The following RIMS1 variants were observed in gnomAD, a reference collection of about 807,000 sequenced individuals.
RIMS1 encodes the protein regulating synaptic membrane exocytosis 1.
Under a neutral mutation model 214.1 loss-of-function variants are expected in RIMS1, and 83 were observed. That is an observed-to-expected ratio of 0.39 (90% CI 0.32 to 0.47). The LOEUF is 0.47. Among genes scored for constraint, RIMS1 ranks in the 20% least tolerant of loss-of-function variants. The pLI, the probability that RIMS1 is intolerant of heterozygous loss-of-function variation, is 0.99. For missense variants in RIMS1, 2,050 were observed against 2,161.8 expected, an observed-to-expected ratio of 0.95 and a Z score of 1.03; for synonymous variants, 793 against 786.8, an observed-to-expected ratio of 1.01 and a Z score of -0.13.
intron 29 of RIMS1, among the ~76,000 whole-genome samples, chr6:72,338,562 C>T (rs908059983): frequency 6.6e-6 from 1 of 152,046 alleles, no homozygotes; most frequent in South Asian, 2.1e-4. Context: ...ATTTTTGCCA[C>T]CTACTCATCT....
intron 8 of RIMS1, among the ~76,000 whole-genome samples, chr6:72,236,542 G>A (rs545164872): frequency 2.2e-4 from 33 of 152,200 alleles, no homozygotes; most frequent in African/African-American, 7.7e-4. Flanking sequence ...ACATGAATTT[G>A]GATGATAAAG....
At chr6:71,900,955 A>G (rs1773417560) in intron 1 of RIMS1, among the ~76,000 whole-genome samples, 1 of 152,232 alleles carries the variant, frequency 6.6e-6, no homozygotes, top group South Asian at 2.1e-4. Context: ...ATAGAGGACA[A>G]TAGCCCTGCA....
chr6:72,286,328 G>A (rs1174849751), intron 24 of RIMS1, among the ~76,000 whole-genome samples: 1 of 152,132 alleles, frequency 6.6e-6, no homozygotes, highest in African/African-American at 2.4e-5. Context: ...GTGTCAGCTG[G>A]AGGTGCTTAA....
chr6:72,340,716 T>C (rs533239541), intron 29 of RIMS1, among the ~76,000 whole-genome samples: 1 of 152,236 alleles, frequency 6.6e-6, no homozygotes, highest in East Asian at 1.9e-4. Flanking sequence ...TCAGGTAGCA[T>C]GATGCCTCCA....
At chr6:71,973,203 C>T (rs904472112) in intron 2 of RIMS1, among the ~76,000 whole-genome samples, 18 of 152,118 alleles carry the variant, frequency 1.2e-4, no homozygotes, top group African/African-American at 2.2e-4. Flanking sequence ...CCACTGCGCC[C>T]GGACAGTAAT....
chr6:72,182,348 G>T lies in RIMS1; in HGVS notation c.877G>T (p.Val293Leu), dbSNP rs1475617034. The T allele has an allele frequency of 6.2e-7, 1 of 1,612,904 alleles. No individual in the cohort carries two copies. The highest frequency in any genetic ancestry group is 1.3e-5 in the African/African-American group (1 of 74,822). The change falls in exon 6 of 34, where the codon GTG becomes TTG. Residue 293 changes from valine to leucine, a missense_variant. Val to Leu is a conservative substitution (Grantham distance 32, BLOSUM62 1). This residue lies in a region of RIMS1 where 882 missense variants were observed against 828.9 expected (regional missense o/e 1.06). Transcript: ENST00000521978. ...AGCCCTGAAGAGCGAGCGGAAACGC[G>T]TGCCAAAGACCTCAGCGCAGCCCGT... ...KGALKSERKR[V>L]PKTSAQPVEG...
At chr6:72,092,750 A>G (rs1244432025) in intron 2 of RIMS1, among the ~76,000 whole-genome samples, 1 of 152,092 alleles carries the variant, frequency 6.6e-6, no homozygotes, top group Non-Finnish European at 1.5e-5. Flanking sequence ...CCACTTAGGT[A>G]TGTCCCTCTG....
chr6:72,059,341 C>G (rs964329046), intron 2 of RIMS1, among the ~76,000 whole-genome samples: 15 of 152,180 alleles, frequency 9.9e-5, no homozygotes, highest in African/African-American at 3.4e-4. Flanking sequence ...ATCCTCCCTC[C>G]TCTGCCTCCT....
At chr6:72,139,899 T>A (rs1262840022) in intron 4 of RIMS1, among the ~76,000 whole-genome samples, 1 of 152,176 alleles carries the variant, frequency 6.6e-6, no homozygotes, top group Non-Finnish European at 1.5e-5. Flanking sequence ...TTAAAATTAA[T>A]TAAAGGCCTT....
At chr6:72,245,735 C>T in intron 10 of RIMS1, 80 bp from the exon 11 acceptor site, 3 of 1,093,064 alleles carry the variant, frequency 2.7e-6, no homozygotes, top group South Asian at 2.6e-5. Flanking sequence ...GGATTTTTCA[C>T]ATCACGTATA....
chr6:72,234,642 T>A (rs2063333322), intron 7 of RIMS1, among the ~76,000 whole-genome samples: 1 of 152,066 alleles, frequency 6.6e-6, no homozygotes, highest in South Asian at 2.1e-4. Context: ...AACACATTTA[T>A]AATGTCATGC....
At chr6:72,077,821 C>G (rs983408330) in intron 2 of RIMS1, among the ~76,000 whole-genome samples, 1 of 152,322 alleles carries the variant, frequency 6.6e-6, no homozygotes, top group Non-Finnish European at 1.5e-5. Context: ...CTGGCAGAGC[C>G]TTTGTTCCAG....
At chr6:71,905,874 C>T (rs1775106306) in intron 1 of RIMS1, among the ~76,000 whole-genome samples, 2 of 152,088 alleles carry the variant, frequency 1.3e-5, no homozygotes, top group Non-Finnish European at 2.9e-5. Context: ...AAAATGAGTT[C>T]TGCTGCAAAA....
intron 6 of RIMS1, among the ~76,000 whole-genome samples, chr6:72,195,252 A>C (rs2050680039): frequency 6.6e-6 from 1 of 152,204 alleles, no homozygotes; most frequent in South Asian, 2.1e-4. Flanking sequence ...CTGAGAAAGT[A>C]CAACACAAAT....
chr6:72,319,387 A>G (rs1357234536), intron 28 of RIMS1, among the ~76,000 whole-genome samples: 1 of 152,200 alleles, frequency 6.6e-6, no homozygotes, highest in Non-Finnish European at 1.5e-5. Flanking sequence ...TACAGCTCAA[A>G]CTGAGAAAGA....
chr6:72,075,749 G>A (rs528177079), intron 2 of RIMS1, among the ~76,000 whole-genome samples: 35 of 152,186 alleles, frequency 2.3e-4, no homozygotes, highest in Admixed American at 1.1e-3. Flanking sequence ...AATTCTGGGG[G>A]GACACAGATA....
At chr6:71,973,557 C>G (rs1174404468) in intron 2 of RIMS1, among the ~76,000 whole-genome samples, 1 of 152,130 alleles carries the variant, frequency 6.6e-6, no homozygotes, top group Non-Finnish European at 1.5e-5. Flanking sequence ...GAAACTTGTT[C>G]ATAATGGCAG....
At chr6:71,972,620 C>T (rs1796135592) in intron 2 of RIMS1, among the ~76,000 whole-genome samples, 1 of 152,072 alleles carries the variant, frequency 6.6e-6, no homozygotes, top group Non-Finnish European at 1.5e-5. Flanking sequence ...GAGTTGTCAT[C>T]ACTTAATCAA....
At chr6:72,240,737 G>A (rs957700655) in intron 9 of RIMS1, among the ~76,000 whole-genome samples, 20 of 150,416 alleles carry the variant, frequency 1.3e-4, no homozygotes, top group Middle Eastern at 3.2e-3. Context: ...GGCCGGGCAC[G>A]GTGACTCACA....
Sources: gnomAD v4.1 joint callset for allele counts (sites outside exome capture counted in the v4.1 genomes callset) on GRCh38, gnomAD v4.1.1 for gene constraint, gnomAD v4.1.1 regional missense constraint, MANE v1.5 for transcripts, NCBI Gene and HGNC (gene_info 2026-07-23, HGNC 2026-07-21) for gene names.